NTRK3: variants seen among roughly 807,000 people sequenced by gnomAD.
NTRK3 encodes NT-3 growth factor receptor.
NTRK3 carries 24 observed loss-of-function variants against 91.7 expected under a neutral mutation model. The ratio of observed to expected loss-of-function variants is 0.26; its 90% CI spans 0.19 to 0.37. The LOEUF (loss-of-function observed/expected upper bound fraction) is 0.37, where lower values mean the gene tolerates loss of function less well. NTRK3 is among the 10% of genes least tolerant of loss of function. NTRK3 has a pLI of 1.00. For synonymous variants in NTRK3, 483 were observed against 404.0 expected, an observed-to-expected ratio of 1.20 and a Z score of -2.34; for missense variants, 880 against 1,068.9, an observed-to-expected ratio of 0.82 and a Z score of 2.46.
intron 10 of NTRK3, among the ~76,000 whole-genome samples, chr15:88,134,672 C>T (rs576183104): frequency 2.4e-4 from 37 of 152,340 alleles, no homozygotes; most frequent in African/African-American, 7.5e-4. Context: ...AACCCTGTGA[C>T]GTGCTTTATA....
chr15:87,861,859 A>G (rs1319901811), exon 19 of NTRK3: 1 of 208,768 alleles, frequency 4.8e-6, no homozygotes, highest in African/African-American at 2.3e-5. Flanking sequence ...CTCTCCTTCT[A>G]GAGATGCCTG....
intron 17 of NTRK3, among the ~76,000 whole-genome samples, chr15:87,910,631 T>C (rs1224657303): frequency 3.3e-5 from 5 of 152,184 alleles, no homozygotes; most frequent in African/African-American, 9.7e-5. Flanking sequence ...GTTATAACCA[T>C]GTGAGTGCAT....
At chr15:88,256,466 G>A (rs960893436) in exon 2 of NTRK3, 33 of 527,256 alleles carry the variant, frequency 6.3e-5, no homozygotes, top group Non-Finnish European at 1.0e-4. Context: ...TGGAAGCGAG[G>A]CGCGCTCTCC....
intron 13 of NTRK3, among the ~76,000 whole-genome samples, chr15:88,092,582 T>C (rs1294034575): frequency 6.6e-6 from 1 of 152,100 alleles, no homozygotes; most frequent in Non-Finnish European, 1.5e-5. Flanking sequence ...TTCTTATGGC[T>C]GCTGTAACAA....
intron 13 of NTRK3, among the ~76,000 whole-genome samples, chr15:88,106,542 G>A (rs951158704): frequency 4.6e-5 from 7 of 152,148 alleles, no homozygotes; most frequent in African/African-American, 9.7e-5. Flanking sequence ...TGAATGACAC[G>A]GAAGGATGCT....
At chr15:88,024,286 T>C (rs1289249043) in intron 14 of NTRK3, among the ~76,000 whole-genome samples, 1 of 152,160 alleles carries the variant, frequency 6.6e-6, no homozygotes, top group Non-Finnish European at 1.5e-5. Flanking sequence ...TGGGCTGATA[T>C]GTTAGAGGGG....
chr15:88,221,928 G>A (rs571687805), intron 3 of NTRK3, among the ~76,000 whole-genome samples: 3 of 152,282 alleles, frequency 2.0e-5, no homozygotes, highest in South Asian at 2.1e-4. Flanking sequence ...CAGCTTACGC[G>A]GCACTGCAGA....
intron 3 of NTRK3, among the ~76,000 whole-genome samples, chr15:88,217,216 A>C (rs1308097697): frequency 6.6e-6 from 1 of 152,240 alleles, no homozygotes; most frequent in Non-Finnish European, 1.5e-5. Context: ...AGTTAAACAA[A>C]GAATTGCCAT....
chr15:88,102,444 C>T (rs1379393973), intron 13 of NTRK3, among the ~76,000 whole-genome samples: 1 of 152,104 alleles, frequency 6.6e-6, no homozygotes, highest in African/African-American at 2.4e-5. Flanking sequence ...TCAGTAGACA[C>T]AATAGGATGT....
exon 19 of NTRK3, chr15:87,864,364 A>G: frequency 4.3e-6 from 1 of 231,504 alleles, no homozygotes; most frequent in Non-Finnish European, 8.6e-6. Context: ...ATCCTAAGAA[A>G]GGCTAAACTC....
chr15:88,094,275 G>A (rs1414896646), intron 13 of NTRK3, among the ~76,000 whole-genome samples: 1 of 151,582 alleles, frequency 6.6e-6, no homozygotes, highest in Non-Finnish European at 1.5e-5. Flanking sequence ...GACCATCCTG[G>A]CTAACAAGGT....
At chr15:87,997,718 C>T (rs999765598) in intron 14 of NTRK3, among the ~76,000 whole-genome samples, 1 of 152,106 alleles carries the variant, frequency 6.6e-6, no homozygotes, top group African/African-American at 2.4e-5. Context: ...AATTGAGGTA[C>T]GTTTCTTACG....
chr15:88,155,900 T>C (rs1302848758), intron 5 of NTRK3, among the ~76,000 whole-genome samples: 3 of 152,218 alleles, frequency 2.0e-5, no homozygotes, highest in Non-Finnish European at 4.4e-5. Context: ...AATCCATATG[T>C]GCTTCACTCT....
chr15:88,184,111 G>T, intron 4 of NTRK3, 114 bp downstream of exon 4: 1 of 1,024,920 alleles, frequency 9.8e-7, no homozygotes, highest in Non-Finnish European at 1.5e-6. Flanking sequence ...AAGACCTGGG[G>T]GAGAAAGCAC....
intron 14 of NTRK3, among the ~76,000 whole-genome samples, chr15:87,945,039 C>A (rs1332733676): frequency 6.6e-6 from 1 of 152,192 alleles, no homozygotes; most frequent in East Asian, 1.9e-4. Flanking sequence ...GCTGGCCCAG[C>A]AGAGTCTGGG....
intron 14 of NTRK3, among the ~76,000 whole-genome samples, chr15:87,963,628 T>A (rs1162612673): frequency 6.6e-6 from 1 of 152,252 alleles, no homozygotes; most frequent in Non-Finnish European, 1.5e-5. Flanking sequence ...CTAATGTCAG[T>A]GTTCTGAGCA....
chr15:88,082,604 A>T (rs1204475529), intron 13 of NTRK3, among the ~76,000 whole-genome samples: 1 of 152,210 alleles, frequency 6.6e-6, no homozygotes, highest in Non-Finnish European at 1.5e-5. Context: ...ATGGAATCAC[A>T]TTGCATGTTC....
In NTRK3 at chr15:88,026,206, GC is replaced by G. The variant is rs796386464; in HGVS notation, c.1585+6650del. Among the ~76,000 whole-genome samples the G allele has an allele frequency of 5.3e-5, 8 of 152,322 alleles. No homozygotes were observed. The South Asian group carries it at 1.7e-3, about 32-fold the overall frequency. On this transcript the variant is annotated intron_variant, in intron 14 of 18. Transcript: ENST00000394480. Reference sequence around the variant, plus strand: ...GAACGGTGTGAACCCAGGAGGTGGAGCTTGCAGTGAGCCAAGAATGCGCCAC... The same window carrying G: ...GAACGGTGTGAACCCAGGAGGTGGAGTTGCAGTGAGCCAAGAATGCGCCAC...
At chr15:88,152,642 C>A (rs1247990124) in intron 5 of NTRK3, among the ~76,000 whole-genome samples, 1 of 152,224 alleles carries the variant, frequency 6.6e-6, no homozygotes, top group South Asian at 2.1e-4. Flanking sequence ...GCATTGAGTT[C>A]TAGCAGCAAT....
Sources: gnomAD v4.1 joint callset for allele counts (sites outside exome capture counted in the v4.1 genomes callset) on GRCh38, gnomAD v4.1.1 for gene constraint, MANE v1.5 for transcripts, NCBI Gene and HGNC (gene_info 2026-07-23, HGNC 2026-07-21) for gene names.